CHRM3: variants seen among roughly 807,000 people sequenced by gnomAD.
The protein encoded by CHRM3 is muscarinic acetylcholine receptor M3.
CHRM3 carries 11 observed loss-of-function variants against 41.8 expected under a neutral mutation model. That is an observed-to-expected ratio of 0.26 (90% CI 0.17 to 0.44). CHRM3 has a LOEUF of 0.44. CHRM3 is among the 20% of genes least tolerant of loss of function. The probability of loss-of-function intolerance (pLI) is 1.00; values close to 1 mark genes in which losing one functional copy is unlikely to be tolerated. For missense variants in CHRM3, 571 were observed against 745.4 expected (o/e 0.77, Z 2.72); for synonymous variants, 297 against 301.4 (o/e 0.99, Z 0.15).
At chr1:239,738,532 G>A (rs561545576) in intron 5 of CHRM3, among the ~76,000 whole-genome samples, 35 of 152,254 alleles carry the variant, frequency 2.3e-4, no homozygotes, top group African/African-American at 8.2e-4. Context: ...TAATTTCAGG[G>A]CAGTCAGAAA....
At chr1:239,516,113 G>A (rs1669251797) in intron 2 of CHRM3, among the ~76,000 whole-genome samples, 1 of 151,488 alleles carries the variant, frequency 6.6e-6, no homozygotes, top group Admixed American at 6.6e-5. Flanking sequence ...GTGCTTACTT[G>A]CAACAACCAT....
intron 3 of CHRM3, chr1:239,545,950 T>C (rs1448402355): frequency 6.6e-6 from 1 of 152,162 alleles, no homozygotes; most frequent in Non-Finnish European, 1.5e-5. Context: ...GGTATAAGTA[T>C]ATAAATGTGG....
chr1:239,824,325 G>C (rs190214806), intron 5 of CHRM3, among the ~76,000 whole-genome samples: 1 of 152,116 alleles, frequency 6.6e-6, no homozygotes, highest in Non-Finnish European at 1.5e-5. Context: ...AGGTGGACTC[G>C]GTGCCTTCAA....
At chr1:239,864,297 G>A (rs527982255) in intron 6 of CHRM3, among the ~76,000 whole-genome samples, 12 of 152,170 alleles carry the variant, frequency 7.9e-5, no homozygotes, top group African/African-American at 2.4e-4. Context: ...ACCCGAGGTC[G>A]AGAGTTTGAG....
intron 5 of CHRM3, among the ~76,000 whole-genome samples, chr1:239,741,355 G>T (rs1307095206): frequency 6.6e-6 from 1 of 152,126 alleles, no homozygotes; most frequent in East Asian, 1.9e-4. Flanking sequence ...CAAAGATAGG[G>T]ATATTCCTGG....
chr1:239,533,265 T>G (rs1206860878), intron 2 of CHRM3, among the ~76,000 whole-genome samples: 1 of 152,104 alleles, frequency 6.6e-6, no homozygotes, highest in African/African-American at 2.4e-5. Flanking sequence ...GTCCTTACAC[T>G]GCTATGAAGA....
chr1:239,496,317 C>A (rs2148100769), intron 2 of CHRM3, among the ~76,000 whole-genome samples: 1 of 152,136 alleles, frequency 6.6e-6, no homozygotes, highest in African/African-American at 2.4e-5. Context: ...CTGTAAAATT[C>A]CACTCCTATA....
chr1:239,694,364 GC>G (rs1219083602), intron 5 of CHRM3, among the ~76,000 whole-genome samples: 1 of 152,178 alleles, frequency 6.6e-6, no homozygotes, highest in Non-Finnish European at 1.5e-5. Context: ...GTTCTAGGGA[GC>G]TCATCCATTT....
At chr1:239,594,966 G>A (rs1664621394) in intron 3 of CHRM3, among the ~76,000 whole-genome samples, 1 of 152,152 alleles carries the variant, frequency 6.6e-6, no homozygotes, top group Admixed American at 6.5e-5. Context: ...GCACATTCCT[G>A]TAATCCCAGA....
intron 5 of CHRM3, among the ~76,000 whole-genome samples, chr1:239,766,149 G>A (rs1667187713): frequency 6.6e-6 from 1 of 152,108 alleles, no homozygotes. Flanking sequence ...ATAAGTGCCA[G>A]ATCTGGGAGA....
At chr1:239,889,793 C>G (rs1678393210) in intron 6 of CHRM3, among the ~76,000 whole-genome samples, 1 of 152,068 alleles carries the variant, frequency 6.6e-6, no homozygotes, top group Non-Finnish European at 1.5e-5. Flanking sequence ...ACAGTCTTCC[C>G]AGAGAGCATC....
intron 3 of CHRM3, among the ~76,000 whole-genome samples, chr1:239,575,881 A>G (rs1662289196): frequency 6.6e-6 from 1 of 152,110 alleles, no homozygotes; most frequent in South Asian, 2.1e-4. Flanking sequence ...TACATTTCAC[A>G]TTGCATGCAA....
intron 4 of CHRM3, among the ~76,000 whole-genome samples, chr1:239,672,074 C>G (rs1371814253): frequency 6.6e-6 from 1 of 152,146 alleles, no homozygotes; most frequent in African/African-American, 2.4e-5. Flanking sequence ...ATGCACAAGA[C>G]AGGGATCCAT....
intron 3 of CHRM3, among the ~76,000 whole-genome samples, chr1:239,561,529 G>T (rs114549407): frequency 2.0e-3 from 303 of 151,932 alleles, no homozygotes; most frequent in African/African-American, 6.9e-3. Flanking sequence ...TATGAAATGA[G>T]CACCCTCATC....
intron 3 of CHRM3, among the ~76,000 whole-genome samples, chr1:239,599,709 T>G (rs1262959925): frequency 6.6e-6 from 1 of 152,162 alleles, no homozygotes; most frequent in East Asian, 1.9e-4. Flanking sequence ...TAGCCTACCT[T>G]AAACACGCCC....
At chr1:239,643,339 T>C (rs910016516) in intron 4 of CHRM3, among the ~76,000 whole-genome samples, 12 of 152,194 alleles carry the variant, frequency 7.9e-5, no homozygotes, top group African/African-American at 2.7e-4. Flanking sequence ...GTTACTGCTA[T>C]CTTTTTATTT....
intron 6 of CHRM3, among the ~76,000 whole-genome samples, chr1:239,868,328 A>C (rs1332323183): frequency 6.6e-6 from 1 of 152,124 alleles, no homozygotes; most frequent in Non-Finnish European, 1.5e-5. Context: ...AGCTGTCACT[A>C]AATAGCACAT....
Position 239,907,642 on chromosome 1 carries a change from C to G in CHRM3, c.191C>G (p.Thr64Ser). The G allele has an allele frequency of 1.2e-6, 2 of 1,614,174 alleles. No individual in the cohort carries two copies. The highest frequency in any genetic ancestry group is 1.7e-6 in the Non-Finnish European group (2 of 1,180,032). ...GTTDDPLGGHTVWQVVFIAFL... is the reference protein window; with the variant it reads ...GTTDDPLGGHSVWQVVFIAFL... ...ACCGATGACCCTCTGGGAGGTCATA[C>G]CGTCTGGCAAGTGGTCTTCATCGCT... Residue 64 changes from threonine to serine, a missense_variant, in exon 7 of 7, where the codon ACC (threonine) becomes AGC (serine). Transcript: ENST00000676153. This position sits in a 1 kb window ranked among gnomAD's most constrained non-coding sequence, Gnocchi z 5.4.
intron 4 of CHRM3, among the ~76,000 whole-genome samples, chr1:239,642,469 A>T (rs946121986): frequency 2.6e-5 from 4 of 151,806 alleles, no homozygotes; most frequent in Non-Finnish European, 2.9e-5. Context: ...TCGTTTCTTT[A>T]TATTCTTTTT....
Sources: allele counts gnomAD v4.1 joint callset (sites outside exome capture counted in the v4.1 genomes callset), GRCh38; gene constraint gnomAD v4.1.1; non-coding constraint Gnocchi (gnomAD v3.1); transcripts MANE v1.5; gene names NCBI Gene and HGNC (gene_info 2026-07-23, HGNC 2026-07-21).